The following HS3ST4 variants were observed in gnomAD, a reference collection of about 807,000 sequenced individuals.
The protein encoded by HS3ST4 is heparan sulfate glucosamine 3-O-sulfotransferase 4.
A neutral mutation model predicts 29.2 loss-of-function variants in HS3ST4; 17 were observed. The ratio of observed to expected loss-of-function variants is 0.58; its 90% CI spans 0.40 to 0.87. HS3ST4 has a LOEUF of 0.87. Among genes scored for constraint, HS3ST4 ranks in the 40% least tolerant of loss-of-function variants. HS3ST4 has a pLI of 0.00. For missense variants in HS3ST4, 627 were observed against 634.5 expected (o/e 0.99, Z 0.13); for synonymous variants, 314 against 285.7 (o/e 1.10, Z -1.00).
chr16:25,820,271 G>A (rs140024809), intron 1 of HS3ST4, among the ~76,000 whole-genome samples: 300 of 152,170 alleles, frequency 2.0e-3, no homozygotes, highest in Non-Finnish European at 3.3e-3. Context: ...CCTGGGTAGG[G>A]CCTCTGAAGA....
At chr16:26,010,996 G>A (rs184467613) in intron 1 of HS3ST4, among the ~76,000 whole-genome samples, 14 of 152,238 alleles carry the variant, frequency 9.2e-5, no homozygotes, top group Non-Finnish European at 2.1e-4. Flanking sequence ...GCTAACGTAT[G>A]AGAGTGCTCC....
chr16:26,085,580 G>A (rs1898776501), intron 1 of HS3ST4, among the ~76,000 whole-genome samples: 1 of 152,068 alleles, frequency 6.6e-6, no homozygotes, highest in Non-Finnish European at 1.5e-5. Flanking sequence ...CTGATTAAAA[G>A]TCAGGCCAGG....
At chr16:25,999,804 T>C (rs1969191077) in intron 1 of HS3ST4, among the ~76,000 whole-genome samples, 1 of 137,464 alleles carries the variant, frequency 7.3e-6, no homozygotes, top group South Asian at 2.1e-4. Context: ...ATATATATTA[T>C]ATGTATATTT....
At chr16:25,898,506 GAC>G (rs1280910365) in intron 1 of HS3ST4, among the ~76,000 whole-genome samples, 3 of 152,184 alleles carry the variant, frequency 2.0e-5, no homozygotes, top group Admixed American at 1.3e-4. Flanking sequence ...TGATCTTCAT[GAC>G]TGCTGTCATA....
intron 1 of HS3ST4, among the ~76,000 whole-genome samples, chr16:25,868,742 TGCCCTCGTTAA>T (rs1967720390): frequency 6.6e-6 from 1 of 152,200 alleles, no homozygotes; most frequent in Admixed American, 6.5e-5. Flanking sequence ...AGAAACAGAT[TGCCCTCGTTAA>T]CCTGTAGTCA....
At chr16:26,097,275 G>A (rs958485331) in intron 1 of HS3ST4, among the ~76,000 whole-genome samples, 5 of 152,072 alleles carry the variant, frequency 3.3e-5, no homozygotes, top group African/African-American at 1.2e-4. Flanking sequence ...GCATTGTGAA[G>A]GCAATCCTAA....
rs148129221 is a variant in HS3ST4 at position 25,915,008 on chromosome 16, G to A, written c.735-220604G>A. 7.0e-3 allele frequency among the ~76,000 whole-genome samples: 1,062 copies of A among 152,170 alleles called. 18 individuals are homozygous for A. Among genetic ancestry groups the A allele is most frequent in the African/African-American group, 0.025 (1,029 of 41,478 alleles). On this transcript the variant is annotated intron_variant, in intron 1 of 1. Coordinates refer to ENST00000331351, the MANE Select transcript of HS3ST4 (RefSeq NM_006040.3). Reference sequence around the variant, plus strand: ...AGGAAATCTTAGTTATGCGGGCTGCGCTGTGCATTGAGACAGGTTTAGTAG... The same window carrying A: ...AGGAAATCTTAGTTATGCGGGCTGCACTGTGCATTGAGACAGGTTTAGTAG...
intron 1 of HS3ST4, among the ~76,000 whole-genome samples, chr16:25,744,286 A>G (rs1440545369): frequency 6.6e-6 from 1 of 152,190 alleles, no homozygotes; most frequent in East Asian, 1.9e-4. Context: ...TTTCAGCTAG[A>G]TACTTTTAAT....
At position 25,765,906 on chromosome 16, in the gene HS3ST4, G is replaced by A. The variant is rs113795533; in HGVS notation, c.734+72755G>A. Among the ~76,000 whole-genome samples the A allele has an allele frequency of 2.0e-3, 305 of 152,248 alleles. 2 individuals carry two copies. The highest frequency in any genetic ancestry group is 7.0e-3 in the African/African-American group (291 of 41,558). On this transcript the variant is annotated intron_variant, in intron 1 of 1. Coordinates refer to ENST00000331351, the MANE Select transcript of HS3ST4 (RefSeq NM_006040.3). ...GTTGGACCGTGGCTGACTTGCCAGC[G>A]TCTCTAGTCAAGGGAGAGGGCTTGG...
intron 1 of HS3ST4, among the ~76,000 whole-genome samples, chr16:26,010,102 T>C (rs1293346268): frequency 6.6e-6 from 1 of 152,178 alleles, no homozygotes; most frequent in Non-Finnish European, 1.5e-5. Flanking sequence ...CTTTAAGAGG[T>C]CTATAGACTA....
At chr16:26,127,468 C>G (rs942772066) in intron 1 of HS3ST4, among the ~76,000 whole-genome samples, 1 of 152,188 alleles carries the variant, frequency 6.6e-6, no homozygotes, top group Admixed American at 6.6e-5. Context: ...AAATTCATGT[C>G]TGTTGTTACC....
rs4787790 is a variant in HS3ST4, at chr16:25,963,899, A to T, written c.735-171713A>T. Among the ~76,000 whole-genome samples, 32 of 152,022 alleles carry T rather than the reference A, an allele frequency of 2.1e-4. 1 individual carries two copies. Among genetic ancestry groups the T allele is most frequent in the African/African-American group, 7.5e-4 (31 of 41,456 alleles). ...TTTAAAAAGTCCCTAAGGCTGGGCG[A>T]GGTGGCTCACACTGTAATCTCAGTG... On this transcript the variant is annotated intron_variant, in intron 1 of 1. Transcript: ENST00000331351.
intron 1 of HS3ST4, among the ~76,000 whole-genome samples, chr16:26,088,747 T>C (rs911274290): frequency 6.6e-6 from 1 of 152,210 alleles, no homozygotes; most frequent in African/African-American, 2.4e-5. Context: ...CAGCTTGTCT[T>C]ATCTGCCCTT....
chr16:25,763,797 A>G (rs1966802916), intron 1 of HS3ST4, among the ~76,000 whole-genome samples: 1 of 152,216 alleles, frequency 6.6e-6, no homozygotes, highest in Non-Finnish European at 1.5e-5. Context: ...TTCTATGTTG[A>G]GGGCAGTGGT....
chr16:25,777,318 G>T (rs1300956398), intron 1 of HS3ST4, among the ~76,000 whole-genome samples: 8 of 152,098 alleles, frequency 5.3e-5, no homozygotes, highest in African/African-American at 1.9e-4. Context: ...TTAGGATTTA[G>T]TAATCACTTA....
intron 1 of HS3ST4, among the ~76,000 whole-genome samples, chr16:25,893,254 G>T (rs1216952956): frequency 6.6e-6 from 1 of 152,160 alleles, no homozygotes; most frequent in African/African-American, 2.4e-5. Context: ...GATGAAGGAT[G>T]GTGCTGGGAT....
intron 1 of HS3ST4, among the ~76,000 whole-genome samples, chr16:26,038,213 G>T (rs2141757090): frequency 6.6e-6 from 1 of 152,152 alleles, no homozygotes; most frequent in South Asian, 2.1e-4. Flanking sequence ...TTCCCCGATT[G>T]CCCCTGTGGT....
At chr16:25,950,996 T>A (rs141442958) in intron 1 of HS3ST4, among the ~76,000 whole-genome samples, 1 of 152,168 alleles carries the variant, frequency 6.6e-6, no homozygotes, top group South Asian at 2.1e-4. Context: ...CTAAACAGCA[T>A]GTAGACTCCC....
At chr16:25,896,211 G>A (rs1022795569) in intron 1 of HS3ST4, among the ~76,000 whole-genome samples, 3 of 152,208 alleles carry the variant, frequency 2.0e-5, no homozygotes, top group Non-Finnish European at 4.4e-5. Context: ...CTGGGAACAG[G>A]TGGAGTGATG....
Sources: gnomAD v4.1 joint callset for allele counts (sites outside exome capture counted in the v4.1 genomes callset) on GRCh38, gnomAD v4.1.1 for gene constraint, MANE v1.5 for transcripts, NCBI Gene and HGNC (gene_info 2026-07-23, HGNC 2026-07-21) for gene names.